The following ITSN1 variants were observed in gnomAD, a reference collection of about 807,000 sequenced individuals.
ITSN1 encodes the protein intersectin-1.
ITSN1 carries 58 observed loss-of-function variants against 239.8 expected under a neutral mutation model. The observed-to-expected ratio is 0.24, with a 90% confidence interval of 0.20 to 0.30. The LOEUF is 0.30. ITSN1 is among the 10% of genes least tolerant of loss of function. The pLI is 1.00. For missense variants in ITSN1, 1,558 were observed against 2,103.3 expected (o/e 0.74, Z 5.07); for synonymous variants, 780 against 770.8 (o/e 1.01, Z -0.20).
At chr21:33,858,124 C>T (rs1213025912) in intron 30 of ITSN1, among the ~76,000 whole-genome samples, 1 of 152,132 alleles carries the variant, frequency 6.6e-6, no homozygotes, top group Non-Finnish European at 1.5e-5. Context: ...GAGGGCAGCA[C>T]TCACCCCCTT....
chr21:33,789,191 A>G (rs1229684588), intron 16 of ITSN1, among the ~76,000 whole-genome samples: 1 of 152,160 alleles, frequency 6.6e-6, no homozygotes, highest in Non-Finnish European at 1.5e-5. Flanking sequence ...CCTTCTATAA[A>G]TTTTGATACC....
intron 16 of ITSN1, among the ~76,000 whole-genome samples, chr21:33,782,495 T>C (rs1224816236): frequency 6.6e-6 from 1 of 152,224 alleles, no homozygotes; most frequent in Admixed American, 6.5e-5. Flanking sequence ...CTGCCACTTC[T>C]TATCTTCATT....
intron 6 of ITSN1, among the ~76,000 whole-genome samples, chr21:33,751,012 C>T (rs982998968): frequency 6.6e-6 from 1 of 152,184 alleles, no homozygotes; most frequent in Non-Finnish European, 1.5e-5. Flanking sequence ...TAGCATCATA[C>T]TTGAAACATT....
At chr21:33,781,935 A>G in intron 15 of ITSN1, 59 bp from the exon 16 acceptor site, 1 of 1,477,202 alleles carries the variant, frequency 6.8e-7, no homozygotes, top group Non-Finnish European at 9.2e-7. Flanking sequence ...ACATTAAAAA[A>G]CATTTTCCTC....
In ITSN1 at chr21:33,858,751, G is replaced by T; in HGVS notation, c.3849G>T (p.Val1283=). 1 of 1,613,660 alleles carries T rather than the reference G, an allele frequency of 6.2e-7. No individual in the cohort carries two copies. Among genetic ancestry groups the T allele is most frequent in the Non-Finnish European group, 8.5e-7 (1 of 1,179,586 alleles). ...AAAAAGAGGTTGCTATGATTTTTGT[G>T]AACTGGAAGGAGCTGATTATGTGTA... The part of the protein sequence containing the change: ...LTEKEVAMIF[V]NWKELIMCNI... The change falls in exon 31 of 40, where the codon GTG becomes GTT. Residue 1283 remains valine (V), a synonymous_variant. Coordinates refer to ENST00000381318, the MANE Select transcript of ITSN1 (RefSeq NM_003024.3).
chr21:33,812,159 A>T (rs2072960012), intron 21 of ITSN1, among the ~76,000 whole-genome samples: 1 of 152,230 alleles, frequency 6.6e-6, no homozygotes, highest in African/African-American at 2.4e-5. Context: ...AAGAAAAAAA[A>T]GCCTTCCATT....
chr21:33,723,442 A>G (rs562367104), intron 4 of ITSN1, among the ~76,000 whole-genome samples: 165 of 152,196 alleles, frequency 1.1e-3, no homozygotes, highest in African/African-American at 3.3e-3. Flanking sequence ...GTGAAACCCC[A>G]TCTCTCCTAA....
At chr21:33,763,249 A>C (rs987327412) in intron 9 of ITSN1, among the ~76,000 whole-genome samples, 4 of 151,676 alleles carry the variant, frequency 2.6e-5, no homozygotes, top group African/African-American at 4.8e-5. Flanking sequence ...AAAAAAAAAA[A>C]AAAACTCCGT....
chr21:33,879,431 G>A (rs1984533009), intron 34 of ITSN1, among the ~76,000 whole-genome samples: 1 of 152,228 alleles, frequency 6.6e-6, no homozygotes, highest in Non-Finnish European at 1.5e-5. Context: ...GGTGAGGATT[G>A]CAGAGGAATG....
intron 1 of ITSN1, among the ~76,000 whole-genome samples, chr21:33,711,350 AT>A (rs2092409471): frequency 6.7e-6 from 1 of 149,984 alleles, no homozygotes; most frequent in Non-Finnish European, 1.5e-5. Flanking sequence ...TGATTTTGTA[AT>A]TTTCTCTATT....
intron 28 of ITSN1, 148 bp downstream of exon 28, chr21:33,834,572 T>A (rs777983672): frequency 6.7e-5 from 44 of 652,458 alleles, no homozygotes; most frequent in South Asian, 2.1e-4. Context: ...CCAACTAATG[T>A]GATATGGAAT....
Position 33,819,092 on chromosome 21 carries a change from T to C in ITSN1, c.2934-149T>C, listed in dbSNP as rs1019799286. The C allele has an allele frequency of 6.6e-6, 4 of 602,134 alleles. No homozygotes were observed. The Admixed American group carries it at 8.7e-5, about 13-fold the overall frequency. 37.3% of individuals were successfully genotyped at this position (602,134 alleles called of 1,614,324 possible). A position where few individuals can be genotyped will look rare whatever the true frequency, so the allele number is the denominator to read the frequency against. ...GTCATGCCTCTGTAGTACCTTATTATGTGTTTTTAACCTAGCTAAGTACAA... is the reference window on the plus strand; with the variant it reads ...GTCATGCCTCTGTAGTACCTTATTACGTGTTTTTAACCTAGCTAAGTACAA... On this transcript the variant is annotated intron_variant, in intron 23 of 39. Transcript: ENST00000381318.
At chr21:33,692,174 G>T (rs1159376151) in intron 1 of ITSN1, among the ~76,000 whole-genome samples, 1 of 152,218 alleles carries the variant, frequency 6.6e-6, no homozygotes, top group Admixed American at 6.5e-5. Context: ...AGAAGCCTGA[G>T]TTTGGTCAAG....
At chr21:33,885,865 C>T (rs1985707277) in intron 38 of ITSN1, among the ~76,000 whole-genome samples, 1 of 152,020 alleles carries the variant, frequency 6.6e-6, no homozygotes, top group Non-Finnish European at 1.5e-5. Context: ...TGGGAGTTTC[C>T]ACCCGGATTC....
At chr21:33,798,787 T>C (rs570027303) in intron 18 of ITSN1, among the ~76,000 whole-genome samples, 1 of 152,204 alleles carries the variant, frequency 6.6e-6, no homozygotes, top group South Asian at 2.1e-4. Context: ...CCTACCTGCC[T>C]TCAGATGCAT....
At chr21:33,867,581 G>A (rs1043229595) in intron 33 of ITSN1, among the ~76,000 whole-genome samples, 5 of 151,012 alleles carry the variant, frequency 3.3e-5, no homozygotes, top group Admixed American at 6.6e-5. Context: ...TGGGCAGATC[G>A]CTTGAGCCCA....
intron 1 of ITSN1, among the ~76,000 whole-genome samples, chr21:33,707,272 AT>A (rs2092281356): frequency 6.6e-6 from 1 of 151,850 alleles, no homozygotes; most frequent in Admixed American, 6.6e-5. Flanking sequence ...GCATATACTT[AT>A]TTTTTATGTT....
chr21:33,709,332 G>C (rs1358904796), intron 1 of ITSN1, among the ~76,000 whole-genome samples: 1 of 152,078 alleles, frequency 6.6e-6, no homozygotes, highest in Non-Finnish European at 1.5e-5. Flanking sequence ...TAGAGGCCTT[G>C]TATATGTTTT....
At position 33,883,569 on chromosome 21, in the gene ITSN1, T is replaced by C; in HGVS notation, c.4574T>C (p.Val1525Ala). The C allele has an allele frequency of 6.2e-7, 1 of 1,613,648 alleles. No homozygotes were observed. Among genetic ancestry groups the C allele is most frequent in the Non-Finnish European group, 8.5e-7 (1 of 1,179,678 alleles). The change falls in exon 36 of 40, where the codon GTT becomes GCT. Residue 1525 changes from valine (V) to alanine (A), a missense_variant. Coordinates refer to ENST00000381318, the MANE Select transcript of ITSN1 (RefSeq NM_003024.3). ...MYKTPIFLNE[V>A]LVKLPTDPSG... The stretch of plus-strand genomic sequence containing the variant: ...TTCCAGCCTATTTTCCTAAATGAGG[T>C]TCTAGTAAAATTACCCACCGACCCT...
Sources: allele counts gnomAD v4.1 joint callset (sites outside exome capture counted in the v4.1 genomes callset), GRCh38; gene constraint gnomAD v4.1.1; transcripts MANE v1.5; gene names NCBI Gene and HGNC (gene_info 2026-07-23, HGNC 2026-07-21).